PCDH7: variants seen among roughly 807,000 people sequenced by gnomAD.
PCDH7 encodes protocadherin 7.
A neutral mutation model predicts 58.9 loss-of-function variants in PCDH7; 17 were observed. The observed-to-expected ratio is 0.29, with a 90% CI of 0.20 to 0.43. PCDH7 has a LOEUF of 0.43. PCDH7 is among the 20% of genes least tolerant of loss of function. The pLI is 1.00. For missense variants in PCDH7, 1,274 were observed against 1,441.0 expected, an observed-to-expected ratio of 0.88 and a Z score of 1.88; for synonymous variants, 664 against 616.4, an observed-to-expected ratio of 1.08 and a Z score of -1.14.
intron 1 of PCDH7, among the ~76,000 whole-genome samples, chr4:30,858,044 C>A (rs1733712062): frequency 6.6e-6 from 1 of 152,060 alleles, no homozygotes; most frequent in African/African-American, 2.4e-5. Context: ...AATATTTTGG[C>A]AAATTTATAT....
At chr4:30,956,595 T>A (rs1578409657) in intron 3 of PCDH7, among the ~76,000 whole-genome samples, 2 of 152,226 alleles carry the variant, frequency 1.3e-5, no homozygotes, top group African/African-American at 4.8e-5. Context: ...GCAAAAGTAA[T>A]TTAATTATTT....
intron 3 of PCDH7, among the ~76,000 whole-genome samples, chr4:31,002,378 G>A (rs1752426302): frequency 1.3e-5 from 2 of 152,234 alleles, no homozygotes; most frequent in South Asian, 2.1e-4. Flanking sequence ...TAATAGCCCA[G>A]CAGTTTCACT....
intron 1 of PCDH7, among the ~76,000 whole-genome samples, chr4:30,751,932 T>C (rs185059458): frequency 1.3e-5 from 2 of 152,294 alleles, no homozygotes; most frequent in African/African-American, 4.8e-5. Flanking sequence ...AAAATGGAAT[T>C]TTCTCCTGTT....
chr4:31,077,804 G>T (rs1759131738), intron 3 of PCDH7, among the ~76,000 whole-genome samples: 2 of 152,162 alleles, frequency 1.3e-5, no homozygotes, highest in Admixed American at 6.5e-5. Context: ...GCTACTTGGA[G>T]AATTTGATAT....
intron 3 of PCDH7, among the ~76,000 whole-genome samples, chr4:31,093,068 C>A (rs1330902232): frequency 6.6e-6 from 1 of 152,010 alleles, no homozygotes; most frequent in African/African-American, 2.4e-5. Context: ...GAATAATGTG[C>A]ACAGATAATG....
chr4:30,904,805 T>C (rs2109398428), intron 1 of PCDH7, among the ~76,000 whole-genome samples: 1 of 152,298 alleles, frequency 6.6e-6, no homozygotes, highest in Admixed American at 6.5e-5. Context: ...AGTTCACCTG[T>C]GTAGTAAAAG....
intron 3 of PCDH7, among the ~76,000 whole-genome samples, chr4:30,989,179 A>AT (rs1353174815): frequency 6.6e-6 from 1 of 151,984 alleles, no homozygotes; most frequent in Non-Finnish European, 1.5e-5. Flanking sequence ...TTCTTAGATT[A>AT]TTTGATTTAT....
At chr4:31,131,940 C>G (rs1719043881) in intron 3 of PCDH7, among the ~76,000 whole-genome samples, 1 of 152,040 alleles carries the variant, frequency 6.6e-6, no homozygotes, top group African/African-American at 2.4e-5. Context: ...TGTGATTTGT[C>G]CCTGTGCAAA....
intron 3 of PCDH7, among the ~76,000 whole-genome samples, chr4:31,028,383 C>T (rs575557240): frequency 6.6e-5 from 10 of 152,112 alleles, no homozygotes; most frequent in Non-Finnish European, 1.0e-4. Context: ...TGTTTCATTT[C>T]GAAATTACCC....
At chr4:30,903,917 A>T (rs1454285318) in intron 1 of PCDH7, among the ~76,000 whole-genome samples, 1 of 152,162 alleles carries the variant, frequency 6.6e-6, no homozygotes, top group Non-Finnish European at 1.5e-5. Flanking sequence ...TGATGATTTT[A>T]CACTTATTAA....
intron 1 of PCDH7, among the ~76,000 whole-genome samples, chr4:30,865,731 T>A (rs183292977): frequency 2.2e-4 from 33 of 152,258 alleles, no homozygotes; most frequent in African/African-American, 7.7e-4. Context: ...TATACATACC[T>A]TCTATCTCTC....
chr4:30,877,587 T>C (rs375986007), intron 1 of PCDH7, among the ~76,000 whole-genome samples: 2 of 152,228 alleles, frequency 1.3e-5, no homozygotes, highest in African/African-American at 4.8e-5. Context: ...CGACTGGCTC[T>C]CTCTTCATCA....
intron 1 of PCDH7, among the ~76,000 whole-genome samples, chr4:30,899,682 C>T (rs1458021312): frequency 6.6e-6 from 1 of 152,138 alleles, no homozygotes; most frequent in Non-Finnish European, 1.5e-5. Context: ...CCTCACTATC[C>T]TTATAGAATA....
chr4:31,041,651 T>C (rs1385838648), intron 3 of PCDH7, among the ~76,000 whole-genome samples: 1 of 152,094 alleles, frequency 6.6e-6, no homozygotes, highest in Non-Finnish European at 1.5e-5. Flanking sequence ...TCAGTTGGCA[T>C]TGCTTTGCTA....
intron 3 of PCDH7, among the ~76,000 whole-genome samples, chr4:31,078,621 A>T (rs1477662644): frequency 7.0e-6 from 1 of 143,874 alleles, no homozygotes; most frequent in African/African-American, 2.6e-5. Context: ...AGAACCACAG[A>T]ACCATGAACC....
At chr4:30,923,732 T>C (rs1361222254) in intron 2 of PCDH7, among the ~76,000 whole-genome samples, 4 of 152,168 alleles carry the variant, frequency 2.6e-5, no homozygotes, top group Non-Finnish European at 5.9e-5. Context: ...CATTTATTTG[T>C]GACAAAGATT....
At chr4:30,991,467 A>G (rs911380817) in intron 3 of PCDH7, among the ~76,000 whole-genome samples, 15 of 152,196 alleles carry the variant, frequency 9.9e-5, no homozygotes. Flanking sequence ...CTTAGCCCTT[A>G]GTTTCATTTA....
At chr4:31,099,759 A>G (rs2109298728) in intron 3 of PCDH7, among the ~76,000 whole-genome samples, 1 of 152,210 alleles carries the variant, frequency 6.6e-6, no homozygotes, top group Non-Finnish European at 1.5e-5. Flanking sequence ...TCATTCCTAA[A>G]CCTGAGCTCT....
chr4:30,771,992 T>C (rs1221992192), intron 1 of PCDH7, among the ~76,000 whole-genome samples: 1 of 152,106 alleles, frequency 6.6e-6, no homozygotes, highest in Non-Finnish European at 1.5e-5. Flanking sequence ...TGCCTCAGCC[T>C]CTTGAGTAGC....
Sources: gnomAD v4.1 joint callset for allele counts (sites outside exome capture counted in the v4.1 genomes callset) on GRCh38, gnomAD v4.1.1 for gene constraint, MANE v1.5 for transcripts, NCBI Gene and HGNC (gene_info 2026-07-23, HGNC 2026-07-21) for gene names.